Variants in ASB5 observed in about 807,000 individuals in gnomAD.
ASB5 encodes ankyrin repeat and SOCS box containing 5.
A neutral mutation model predicts 42.1 loss-of-function variants in ASB5; 45 were observed. The ratio of observed to expected loss-of-function variants is 1.07; its 90% CI spans 0.84 to 1.37. ASB5 has a LOEUF of 1.37. ASB5 is among the 40% of genes most tolerant of loss of function. The probability of loss-of-function intolerance (pLI) is 0.00; values close to 1 mark genes in which losing one functional copy is unlikely to be tolerated. For missense variants in ASB5, 402 were observed against 399.8 expected (o/e 1.01, Z -0.05); for synonymous variants, 147 against 150.6 (o/e 0.98, Z 0.18).
chr4:176,254,170 C>CT, intron 1 of ASB5, among the ~76,000 whole-genome samples: 1 of 152,226 alleles, frequency 6.6e-6, no homozygotes, highest in Non-Finnish European at 1.5e-5. Context: ...AAACTATACT[C>CT]TAAGGCTACA....
Position 176,236,167 on chromosome 4 carries a change from ATT to A in ASB5, c.197-10828_197-10827del, listed in dbSNP as rs11353930. On this transcript the variant is annotated intron_variant, in intron 1 of 6. Transcript: ENST00000296525. ...TCATCCAGGTGAATTAGTTTACTTA[ATT>A]TTTTTTTTTTAATTTTTGCCATTGA... Among the ~76,000 whole-genome samples the A allele has an allele frequency of 7.8e-3, 1,169 of 150,034 alleles. 13 individuals are homozygous for A. Among genetic ancestry groups the A allele is most frequent in the African/African-American group, 0.027 (1,096 of 40,902 alleles).
chr4:176,265,516 C>CA (rs1469166249), intron 1 of ASB5, among the ~76,000 whole-genome samples: 8 of 152,000 alleles, frequency 5.3e-5, no homozygotes, highest in East Asian at 1.9e-4. Context: ...CATGGGTGCT[C>CA]AAAAAATCAA....
rs188638423 is a variant in ASB5 at position 176,247,325 on chromosome 4, G to A, written c.196+21588C>T. 3.6e-4 allele frequency among the ~76,000 whole-genome samples: 55 copies of A among 152,152 alleles called. 3 individuals are homozygous for A. Among genetic ancestry groups the A allele is most frequent in the African/African-American group, 1.3e-3 (54 of 41,534 alleles). On this transcript the variant is annotated intron_variant, in intron 1 of 6. Coordinates refer to ENST00000296525, the MANE Select transcript of ASB5 (RefSeq NM_080874.4). ...AACAAAAATGCAACAAGTATTGTGC[G>A]AACCACAGAAATTACTTCTAAAATT...
At chr4:176,225,959 AC>A (rs1284363869) in intron 1 of ASB5, among the ~76,000 whole-genome samples, 1 of 151,412 alleles carries the variant, frequency 6.6e-6, no homozygotes, top group Non-Finnish European at 1.5e-5. Context: ...TTTTCTTCCA[AC>A]CATTACCTTG....
At chr4:176,229,549 G>A (rs1330922477) in intron 1 of ASB5, among the ~76,000 whole-genome samples, 1 of 152,054 alleles carries the variant, frequency 6.6e-6, no homozygotes, top group East Asian at 1.9e-4. Flanking sequence ...CCACATAAGG[G>A]ACAAAATAAA....
At chr4:176,239,032 C>T (rs7664620) in intron 1 of ASB5, among the ~76,000 whole-genome samples, 2,877 of 152,244 alleles carry the variant, frequency 0.019, 109 homozygotes, top group African/African-American at 0.065. Flanking sequence ...GAGCTGTAGA[C>T]ATATTATATT....
At chr4:176,236,013 C>A (rs1753675494) in intron 1 of ASB5, among the ~76,000 whole-genome samples, 2 of 151,708 alleles carry the variant, frequency 1.3e-5, no homozygotes, top group Non-Finnish European at 2.9e-5. Flanking sequence ...CTGGGCCTGG[C>A]TCTATATTTT....
rs540171587 is a variant in ASB5 at position 176,222,523 on chromosome 4, T to C, written c.277-103A>G. 2.5e-5 allele frequency: 27 copies of C among 1,062,930 alleles called. 1 individual carries two copies. In the South Asian group the frequency reaches 3.0e-4, roughly 12 times the overall value. 65.8% of individuals were successfully genotyped at this position (1,062,930 alleles called of 1,614,324 possible). On this transcript the variant is annotated intron_variant, in intron 2 of 6. Transcript: ENST00000296525. ...GTGATATATTTTAGACATCAAAGAA[T>C]CTCAGGCAAACGAGTTTCCAGTTTA...
chr4:176,225,089 T>TTA (rs1753338450), intron 2 of ASB5, among the ~76,000 whole-genome samples, 173 bp downstream of exon 2: 1 of 152,202 alleles, frequency 6.6e-6, no homozygotes, highest in African/African-American at 2.4e-5. Context: ...TCAAAATATT[T>TTA]ATAAAAGAAG....
At chr4:176,249,866 C>T (rs552696708) in intron 1 of ASB5, among the ~76,000 whole-genome samples, 23 of 151,902 alleles carry the variant, frequency 1.5e-4, no homozygotes, top group African/African-American at 1.4e-4. Flanking sequence ...GAGATGGAGA[C>T]CATCCTGGCT....
chr4:176,228,051 A>G (rs1753428105), intron 1 of ASB5, among the ~76,000 whole-genome samples: 1 of 152,234 alleles, frequency 6.6e-6, no homozygotes, highest in African/African-American at 2.4e-5. Context: ...GTTGTAATCC[A>G]TGCTAAATTG....
Position 176,215,459 on chromosome 4 carries a change from G to T in ASB5, c.*141C>A. The T allele has an allele frequency of 1.2e-6, 1 of 807,892 alleles. No individual in the cohort carries two copies. The highest frequency in any genetic ancestry group is 2.8e-5 in the East Asian group (1 of 35,774). The allele number at this position is 807,892 out of a possible 1,614,324, so 50.0% of individuals were successfully genotyped here. A position where few individuals can be genotyped will look rare whatever the true frequency, so the allele number is the denominator to read the frequency against. Reference sequence around the variant, plus strand: ...ACAATAGTACTAATACACTTAAAATGAAAATTGATATTTTACTGCTTCCCT... The same window carrying T: ...ACAATAGTACTAATACACTTAAAATTAAAATTGATATTTTACTGCTTCCCT... On this transcript the variant is annotated 3_prime_UTR_variant, in exon 7 of 7. Transcript: ENST00000296525.
At chr4:176,224,896 A>T (rs1178851741) in intron 2 of ASB5, among the ~76,000 whole-genome samples, 1 of 152,188 alleles carries the variant, frequency 6.6e-6, no homozygotes, top group Non-Finnish European at 1.5e-5. Context: ...TGAACTGGTG[A>T]CTTCTTTTTG....
intron 1 of ASB5, among the ~76,000 whole-genome samples, chr4:176,226,167 T>C (rs1438472307): frequency 6.6e-6 from 1 of 152,134 alleles, no homozygotes; most frequent in Non-Finnish European, 1.5e-5. Context: ...TGTGAGTAGG[T>C]GGCTGAGTAG....
At chr4:176,241,610 A>G in intron 1 of ASB5, 1 of 1,408,528 alleles carries the variant, frequency 7.1e-7, no homozygotes, top group South Asian at 1.7e-5. Context: ...TTCTTGCTCC[A>G]TTTTATTTTT....
At chr4:176,258,275 C>T (rs562791288) in intron 1 of ASB5, among the ~76,000 whole-genome samples, 40 of 152,254 alleles carry the variant, frequency 2.6e-4, no homozygotes, top group African/African-American at 7.2e-4. Flanking sequence ...GATCTACAGA[C>T]GTTAAGCAAC....
intron 2 of ASB5, among the ~76,000 whole-genome samples, chr4:176,275,022 C>T (rs1000176792): frequency 1.4e-5 from 2 of 146,618 alleles, no homozygotes; most frequent in African/African-American, 2.5e-5. Context: ...TCAAGCGATT[C>T]TCCTGCCTCA....
In ASB5 at chr4:176,214,008, C is replaced by T. The variant is rs954723395; in HGVS notation, c.*1592G>A. 6.6e-6 allele frequency: 1 copy of T among 152,096 alleles called. No homozygotes were observed. The highest frequency in any genetic ancestry group is 2.4e-5 in the African/African-American group (1 of 41,420). 9.4% of individuals were successfully genotyped at this position (152,096 alleles called of 1,614,324 possible). On this transcript the variant is annotated 3_prime_UTR_variant, in exon 7 of 7. Coordinates refer to ENST00000296525, the MANE Select transcript of ASB5 (RefSeq NM_080874.4). ...AGAACTCCATTTTAATGCACGTTAT[C>T]CATTACAAATGTGTGAGATATTCTA...
chr4:176,254,836 A>G (rs1754121781), intron 1 of ASB5, among the ~76,000 whole-genome samples: 1 of 152,202 alleles, frequency 6.6e-6, no homozygotes, highest in Non-Finnish European at 1.5e-5. Context: ...AATGCAAATC[A>G]AAACCACAAT....
Sources: allele counts gnomAD v4.1 joint callset (sites outside exome capture counted in the v4.1 genomes callset), GRCh38; gene constraint gnomAD v4.1.1; transcripts MANE v1.5; gene names NCBI Gene and HGNC (gene_info 2026-07-23, HGNC 2026-07-21).